CDIN1: variants seen among roughly 807,000 people sequenced by gnomAD.
The protein encoded by CDIN1 is CDAN1-interacting nuclease 1.
In CDIN1, 33 loss-of-function variants were observed where a neutral mutation model predicts 45.3. The observed-to-expected ratio is 0.73, with a 90% CI of 0.55 to 0.97. The LOEUF (loss-of-function observed/expected upper bound fraction) is 0.97. Among genes scored for constraint, CDIN1 ranks in the 50% least tolerant of loss-of-function variants. The pLI, the probability that CDIN1 is intolerant of heterozygous loss-of-function variation, is 0.00. For missense variants in CDIN1, 303 were observed against 339.4 expected, an observed-to-expected ratio of 0.89 and a Z score of 0.84; for synonymous variants, 118 against 124.4, an observed-to-expected ratio of 0.95 and a Z score of 0.34.
chr15:36,666,324 C>G (rs968759195), intron 5 of CDIN1, among the ~76,000 whole-genome samples: 1 of 152,130 alleles, frequency 6.6e-6, no homozygotes, highest in Non-Finnish European at 1.5e-5. Context: ...TGAGAATTAT[C>G]ATGGCTGGTA....
At chr15:36,587,192 A>G (rs1311763355) in intron 1 of CDIN1, among the ~76,000 whole-genome samples, 1 of 151,852 alleles carries the variant, frequency 6.6e-6, no homozygotes, top group Non-Finnish European at 1.5e-5. Context: ...CACATTTTGA[A>G]GCATGTTTTT....
intron 8 of CDIN1, among the ~76,000 whole-genome samples, chr15:36,704,142 C>T (rs1195982408): frequency 6.6e-6 from 1 of 152,128 alleles, no homozygotes; most frequent in African/African-American, 2.4e-5. Context: ...CCACAGCTAC[C>T]AGTTGCCTAC....
chr15:36,664,402 C>T (rs1437453049), intron 5 of CDIN1, among the ~76,000 whole-genome samples: 1 of 152,146 alleles, frequency 6.6e-6, no homozygotes, highest in Non-Finnish European at 1.5e-5. Context: ...TTTATTTAAT[C>T]CACAAAATTA....
At chr15:36,714,331 G>A (rs1829657289) in intron 10 of CDIN1, among the ~76,000 whole-genome samples, 1 of 152,030 alleles carries the variant, frequency 6.6e-6, no homozygotes, top group African/African-American at 2.4e-5. Flanking sequence ...TATGTTGGTC[G>A]GTTGCTTTCC....
rs1399399029 is a variant in CDIN1 at position 36,809,050 on chromosome 15, T to A, written c.*597T>A. 3 of 423,570 alleles carry A rather than the reference T, an allele frequency of 7.1e-6. No homozygotes were observed. Among genetic ancestry groups the A allele is most frequent in the Non-Finnish European group, 1.4e-5 (3 of 209,870 alleles). The allele number at this position is 423,570 out of a possible 1,614,324, so 26.2% of individuals were successfully genotyped here. A position where few individuals can be genotyped will look rare whatever the true frequency, so the allele number is the denominator to read the frequency against. ...CTGCCTATGCTGTGTGTTTGCTATA[T>A]TCAATCTTTACGGCTTCCTGACTTC... On this transcript the variant is annotated 3_prime_UTR_variant, in exon 11 of 11. Coordinates refer to ENST00000566621, the MANE Select transcript of CDIN1 (RefSeq NM_001321759.2).
chr15:36,622,514 C>G (rs1156797418), intron 1 of CDIN1, among the ~76,000 whole-genome samples: 1 of 152,190 alleles, frequency 6.6e-6, no homozygotes, highest in Non-Finnish European at 1.5e-5. Context: ...TGAGCAAATT[C>G]TTGAGTAACT....
At chr15:36,581,866 G>C (rs968688264) in intron 1 of CDIN1, among the ~76,000 whole-genome samples, 3 of 152,228 alleles carry the variant, frequency 2.0e-5, no homozygotes, top group African/African-American at 7.2e-5. Context: ...AACTTGAATG[G>C]ATCTTTTACC....
chr15:36,795,068 C>T (rs997155354), intron 10 of CDIN1, among the ~76,000 whole-genome samples: 9 of 152,046 alleles, frequency 5.9e-5, no homozygotes, highest in South Asian at 2.1e-4. Flanking sequence ...GTTCATATAT[C>T]GGGGCTTCAA....
chr15:36,640,582 T>G, intron 1 of CDIN1: 1 of 979,412 alleles, frequency 1.0e-6, no homozygotes, highest in Non-Finnish European at 1.2e-6. Flanking sequence ...TAAAGGTATT[T>G]ACTTCCTTGT....
intron 1 of CDIN1, among the ~76,000 whole-genome samples, chr15:36,600,735 T>A (rs1014000824): frequency 2.0e-5 from 3 of 152,194 alleles, no homozygotes; most frequent in Non-Finnish European, 4.4e-5. Context: ...TGGCCACATG[T>A]CAAAGACATA....
At chr15:36,680,803 T>C (rs2041825269) in intron 5 of CDIN1, among the ~76,000 whole-genome samples, 1 of 152,162 alleles carries the variant, frequency 6.6e-6, no homozygotes. Flanking sequence ...AAATAGAAAT[T>C]AGAAATAAGT....
At chr15:36,630,590 A>G (rs1445532790) in intron 1 of CDIN1, among the ~76,000 whole-genome samples, 1 of 152,144 alleles carries the variant, frequency 6.6e-6, no homozygotes, top group Non-Finnish European at 1.5e-5. Context: ...TTTAATACAT[A>G]TTTGTGGAAT....
chr15:36,606,002 T>C (rs2038356682), intron 1 of CDIN1, among the ~76,000 whole-genome samples: 1 of 152,168 alleles, frequency 6.6e-6, no homozygotes, highest in Admixed American at 6.5e-5. Context: ...ACTTGCTTCA[T>C]TAGCGTGCTT....
intron 5 of CDIN1, among the ~76,000 whole-genome samples, chr15:36,662,320 C>T (rs912578642): frequency 1.3e-5 from 2 of 152,170 alleles, no homozygotes; most frequent in Non-Finnish European, 2.9e-5. Flanking sequence ...TGTATAATCC[C>T]TGCCTCCACA....
intron 2 of CDIN1, 125 bp from the exon 3 acceptor site, chr15:36,645,098 C>T (rs2040257129): frequency 1.4e-6 from 1 of 719,408 alleles, no homozygotes; most frequent in Non-Finnish European, 2.4e-6. Flanking sequence ...ACCACAATTC[C>T]CAAGCTGTTA....
chr15:36,665,110 A>T (rs1402084947), intron 5 of CDIN1, among the ~76,000 whole-genome samples: 1 of 152,236 alleles, frequency 6.6e-6, no homozygotes, highest in Non-Finnish European at 1.5e-5. Context: ...ATTGATAAAA[A>T]GTCGTATCTT....
intron 5 of CDIN1, among the ~76,000 whole-genome samples, chr15:36,690,623 A>T (rs1003210795): frequency 6.6e-6 from 1 of 152,174 alleles, no homozygotes; most frequent in Non-Finnish European, 1.5e-5. Flanking sequence ...GATAAAGAAC[A>T]TAATCTTAAA....
At chr15:36,606,154 C>T (rs1336479392) in intron 1 of CDIN1, among the ~76,000 whole-genome samples, 1 of 151,870 alleles carries the variant, frequency 6.6e-6, no homozygotes, top group Admixed American at 6.6e-5. Flanking sequence ...AAAAGCATCA[C>T]GCATTGTGTA....
chr15:36,682,855 A>G (rs1437129198), intron 5 of CDIN1, among the ~76,000 whole-genome samples: 1 of 152,162 alleles, frequency 6.6e-6, no homozygotes, highest in Non-Finnish European at 1.5e-5. Flanking sequence ...TTGACACATA[A>G]AATTTAACAC....
Sources: gnomAD v4.1 joint callset for allele counts (sites outside exome capture counted in the v4.1 genomes callset) on GRCh38, gnomAD v4.1.1 for gene constraint, MANE v1.5 for transcripts, NCBI Gene and HGNC (gene_info 2026-07-23, HGNC 2026-07-21) for gene names.